Variants in GALNTL6 observed in about 807,000 individuals in gnomAD.
GALNTL6 encodes the protein polypeptide N-acetylgalactosaminyltransferase like 6, also known as polypeptide N-acetylgalactosaminyltransferase-like 6.
Under a neutral mutation model 73.7 loss-of-function variants are expected in GALNTL6, and 46 were observed. That is an observed-to-expected ratio of 0.62 (90% CI 0.49 to 0.80). The LOEUF (loss-of-function observed/expected upper bound fraction) is 0.80. Among genes scored for constraint, GALNTL6 ranks in the 30% least tolerant of loss-of-function variants. The pLI, the probability that GALNTL6 is intolerant of heterozygous loss-of-function variation, is 0.00. For missense variants in GALNTL6, 604 were observed against 755.0 expected (o/e 0.80, Z 2.34); for synonymous variants, 259 against 263.7 (o/e 0.98, Z 0.17).
At chr4:171,948,423 C>T (rs1738768366) in intron 2 of GALNTL6, among the ~76,000 whole-genome samples, 1 of 152,038 alleles carries the variant, frequency 6.6e-6, no homozygotes, top group Non-Finnish European at 1.5e-5. Flanking sequence ...ATACCATGTG[C>T]GTAAATAAAG....
intron 4 of GALNTL6, among the ~76,000 whole-genome samples, chr4:172,339,582 G>C (rs1348007621): frequency 6.6e-6 from 1 of 152,098 alleles, no homozygotes; most frequent in Non-Finnish European, 1.5e-5. Context: ...GTATGCTCCT[G>C]GATTAAAAAT....
At chr4:172,960,563 G>A (rs1749993992) in intron 10 of GALNTL6, among the ~76,000 whole-genome samples, 1 of 152,124 alleles carries the variant, frequency 6.6e-6, no homozygotes, top group South Asian at 2.1e-4. Context: ...GGACAGGCAG[G>A]AGGGAAAGAA....
intron 5 of GALNTL6, among the ~76,000 whole-genome samples, chr4:172,484,573 A>G (rs1374075583): frequency 6.6e-6 from 1 of 152,140 alleles, no homozygotes; most frequent in Non-Finnish European, 1.5e-5. Context: ...TGAATAATTG[A>G]CACTGATGAG....
intron 5 of GALNTL6, among the ~76,000 whole-genome samples, chr4:172,570,892 G>C (rs1736733468): frequency 6.6e-6 from 1 of 152,064 alleles, no homozygotes; most frequent in African/African-American, 2.4e-5. Flanking sequence ...AGCATTAGAT[G>C]CTCATAAGAA....
At chr4:172,863,970 T>C (rs938898232) in intron 7 of GALNTL6, among the ~76,000 whole-genome samples, 2 of 152,158 alleles carry the variant, frequency 1.3e-5, no homozygotes, top group African/African-American at 2.4e-5. Context: ...TGATAGTGAA[T>C]AAGTCTCATG....
intron 5 of GALNTL6, among the ~76,000 whole-genome samples, chr4:172,502,130 T>G (rs944678241): frequency 6.6e-6 from 1 of 152,178 alleles, no homozygotes; most frequent in African/African-American, 2.4e-5. Flanking sequence ...ATTTACACTA[T>G]CGACTTGGTA....
chr4:172,628,095 A>G (rs906428406), intron 5 of GALNTL6, among the ~76,000 whole-genome samples: 2 of 152,156 alleles, frequency 1.3e-5, no homozygotes, highest in Non-Finnish European at 2.9e-5. Context: ...AGGAATATAA[A>G]AAAACTGTCA....
chr4:171,866,691 C>T (rs1024970347), intron 2 of GALNTL6, among the ~76,000 whole-genome samples: 4 of 152,176 alleles, frequency 2.6e-5, no homozygotes, highest in Non-Finnish European at 2.9e-5. Flanking sequence ...AGGGTGCCAG[C>T]GGGGTCGGGT....
chr4:172,696,972 T>C (rs188393378), intron 5 of GALNTL6, among the ~76,000 whole-genome samples: 1 of 152,356 alleles, frequency 6.6e-6, no homozygotes, highest in Non-Finnish European at 1.5e-5. Context: ...TTATGCTTTT[T>C]AATTGTTTCC....
chr4:171,933,170 G>A (rs928805514), intron 2 of GALNTL6, among the ~76,000 whole-genome samples: 9 of 152,272 alleles, frequency 5.9e-5, no homozygotes, highest in East Asian at 3.9e-4. Flanking sequence ...TCATCCATCC[G>A]TTATAACGTT....
intron 5 of GALNTL6, among the ~76,000 whole-genome samples, chr4:172,494,158 A>G: frequency 6.6e-6 from 1 of 152,228 alleles, no homozygotes; most frequent in Non-Finnish European, 1.5e-5. Flanking sequence ...GGCAACCAAA[A>G]TAAAATGTAT....
intron 2 of GALNTL6, among the ~76,000 whole-genome samples, chr4:172,182,175 T>C (rs1260033546): frequency 2.0e-5 from 3 of 152,180 alleles, no homozygotes; most frequent in Non-Finnish European, 4.4e-5. Context: ...ACAAAGGGAA[T>C]AAAATATCTG....
chr4:172,276,811 AGTGG>A (rs1327377224), intron 3 of GALNTL6, among the ~76,000 whole-genome samples: 2 of 152,168 alleles, frequency 1.3e-5, no homozygotes, highest in African/African-American at 4.8e-5. Flanking sequence ...GTATATTTCA[AGTGG>A]TCCCAATCAC....
At chr4:172,852,128 T>C (rs1743857019) in intron 7 of GALNTL6, among the ~76,000 whole-genome samples, 1 of 152,164 alleles carries the variant, frequency 6.6e-6, no homozygotes, top group South Asian at 2.1e-4. Flanking sequence ...TAAAGCTACA[T>C]TTACAGAGCA....
At chr4:172,562,462 C>A (rs904229500) in intron 5 of GALNTL6, among the ~76,000 whole-genome samples, 4 of 152,200 alleles carry the variant, frequency 2.6e-5, no homozygotes, top group African/African-American at 7.2e-5. Context: ...CTGTATAACT[C>A]CCCCTTAGTC....
chr4:172,465,691 A>G (rs1013382766), intron 5 of GALNTL6, among the ~76,000 whole-genome samples: 1 of 152,196 alleles, frequency 6.6e-6, no homozygotes, highest in Non-Finnish European at 1.5e-5. Context: ...TTAGGATTCC[A>G]TATGCAAATA....
At chr4:172,535,879 A>G (rs1735330041) in intron 5 of GALNTL6, among the ~76,000 whole-genome samples, 2 of 152,104 alleles carry the variant, frequency 1.3e-5, no homozygotes, top group Admixed American at 1.3e-4. Flanking sequence ...GGTTATATAT[A>G]TTTTGGTTTA....
chr4:172,357,893 T>C (rs1005596638), intron 5 of GALNTL6, among the ~76,000 whole-genome samples: 6 of 152,134 alleles, frequency 3.9e-5, no homozygotes, highest in Non-Finnish European at 1.5e-5. Flanking sequence ...AATTATTAAG[T>C]CCATATCCAA....
At chr4:172,435,634 T>C (rs548071414) in intron 5 of GALNTL6, among the ~76,000 whole-genome samples, 3 of 152,252 alleles carry the variant, frequency 2.0e-5, no homozygotes, top group East Asian at 1.9e-4. Context: ...AAGATTTTTT[T>C]CCCCAGAAAC....
Sources: allele counts gnomAD v4.1 joint callset (sites outside exome capture counted in the v4.1 genomes callset), GRCh38; gene constraint gnomAD v4.1.1; transcripts MANE v1.5; gene names NCBI Gene and HGNC (gene_info 2026-07-23, HGNC 2026-07-21).